GABBR2: variants seen among roughly 807,000 people sequenced by gnomAD.
GABBR2 encodes the protein G-protein coupled receptor 51.
A neutral mutation model predicts 105.6 loss-of-function variants in GABBR2; 23 were observed. The observed-to-expected ratio is 0.22, with a 90% CI of 0.16 to 0.31. The LOEUF (loss-of-function observed/expected upper bound fraction) is 0.31. Among genes scored for constraint, GABBR2 ranks in the 10% least tolerant of loss-of-function variants. The pLI is 1.00. For missense variants in GABBR2, 734 were observed against 1,245.5 expected (o/e 0.59, Z 6.18); for synonymous variants, 478 against 499.7 (o/e 0.96, Z 0.58).
chr9:98,654,708 C>T (rs1195682477), intron 1 of GABBR2, among the ~76,000 whole-genome samples: 1 of 152,124 alleles, frequency 6.6e-6, no homozygotes, highest in African/African-American at 2.4e-5. Flanking sequence ...AGAACTACAT[C>T]ATGTGTATGA....
chr9:98,489,021 T>C (rs1052704522), intron 4 of GABBR2, among the ~76,000 whole-genome samples: 1 of 152,172 alleles, frequency 6.6e-6, no homozygotes, highest in African/African-American at 2.4e-5. Flanking sequence ...ATAGTAAATA[T>C]TTTTGGTCTC....
chr9:98,574,429 T>C (rs1194424896), intron 2 of GABBR2, among the ~76,000 whole-genome samples: 1 of 152,164 alleles, frequency 6.6e-6, no homozygotes, highest in East Asian at 1.9e-4. Flanking sequence ...GACCTCCACA[T>C]GGAGAGGAGC....
intron 13 of GABBR2, among the ~76,000 whole-genome samples, chr9:98,328,440 C>A (rs1830963464): frequency 6.6e-6 from 1 of 152,152 alleles, no homozygotes. Flanking sequence ...CTCAAAGAAT[C>A]CCTTTTAGAA....
intron 1 of GABBR2, among the ~76,000 whole-genome samples, chr9:98,595,971 T>C (rs2131800006): frequency 6.6e-6 from 1 of 152,290 alleles, no homozygotes; most frequent in East Asian, 1.9e-4. Context: ...CCTGGCCAAG[T>C]CCATGCATCT....
intron 1 of GABBR2, among the ~76,000 whole-genome samples, chr9:98,578,731 G>A (rs1828956642): frequency 6.6e-6 from 1 of 152,192 alleles, no homozygotes. Flanking sequence ...ACAGGTGAAT[G>A]GATAATGGAA....
At chr9:98,619,874 T>C (rs768432854) in intron 1 of GABBR2, among the ~76,000 whole-genome samples, 2 of 152,210 alleles carry the variant, frequency 1.3e-5, no homozygotes, top group African/African-American at 4.8e-5. Flanking sequence ...GGAGGGTTCA[T>C]CTGTGGTCTA....
intron 1 of GABBR2, among the ~76,000 whole-genome samples, chr9:98,626,666 G>A (rs546127738): frequency 8.5e-5 from 13 of 152,262 alleles, no homozygotes; most frequent in African/African-American, 2.9e-4. Context: ...TACTTGAAAA[G>A]GCTTGGCTCA....
chr9:98,588,828 A>T (rs994925822), intron 1 of GABBR2, among the ~76,000 whole-genome samples: 1 of 152,210 alleles, frequency 6.6e-6, no homozygotes, highest in East Asian at 1.9e-4. Flanking sequence ...GTTGGCCTGT[A>T]AAACCATTCC....
At chr9:98,521,683 C>T (rs1377454633) in intron 3 of GABBR2, among the ~76,000 whole-genome samples, 1 of 152,168 alleles carries the variant, frequency 6.6e-6, no homozygotes, top group Admixed American at 6.5e-5. Context: ...AATCCCTTGG[C>T]TGCTTGTCCC....
rs76575072 is a variant in GABBR2, at chr9:98,527,370, A to G, written c.630+14503T>C. ...ACCACTATGCAGTACCGCCTCAATG[A>G]AAAATGATGAAAATAAAGATGCCAT... On this transcript the variant is annotated intron_variant, in intron 3 of 18. Coordinates refer to ENST00000259455, the MANE Select transcript of GABBR2 (RefSeq NM_005458.8). Among the ~76,000 whole-genome samples the G allele has an allele frequency of 1.2e-4, 18 of 152,174 alleles. No homozygotes were observed. In the East Asian group the frequency reaches 3.5e-3, roughly 29 times the overall value.
chr9:98,585,546 A>G (rs1000199633), intron 1 of GABBR2, among the ~76,000 whole-genome samples: 1 of 151,372 alleles, frequency 6.6e-6, no homozygotes, highest in African/African-American at 2.4e-5. Flanking sequence ...ATGCTAAATG[A>G]TGAGTTAATG....
intron 13 of GABBR2, among the ~76,000 whole-genome samples, chr9:98,329,895 C>A (rs549847855): frequency 2.2e-4 from 34 of 152,186 alleles, no homozygotes; most frequent in African/African-American, 7.7e-4. Flanking sequence ...CACACACATG[C>A]ACACTTTCCC....
At chr9:98,332,874 G>A (rs1564020801) in intron 13 of GABBR2, among the ~76,000 whole-genome samples, 1 of 152,204 alleles carries the variant, frequency 6.6e-6, no homozygotes, top group Non-Finnish European at 1.5e-5. Context: ...AATCGTGGAA[G>A]AAAATGACTT....
At chr9:98,537,694 C>G (rs1042557975) in intron 3 of GABBR2, among the ~76,000 whole-genome samples, 7 of 151,914 alleles carry the variant, frequency 4.6e-5, no homozygotes, top group Non-Finnish European at 8.8e-5. Context: ...ACTTTGGCTT[C>G]CCAAAGTGAT....
intron 3 of GABBR2, among the ~76,000 whole-genome samples, chr9:98,515,422 C>T (rs1468751676): frequency 2.0e-5 from 3 of 152,212 alleles, no homozygotes; most frequent in Non-Finnish European, 4.4e-5. Context: ...TGGGAAATCA[C>T]TGCACTTTTT....
chr9:98,573,282 C>G (rs1250873571), intron 2 of GABBR2, among the ~76,000 whole-genome samples: 1 of 152,166 alleles, frequency 6.6e-6, no homozygotes, highest in Non-Finnish European at 1.5e-5. Flanking sequence ...TTTCACAACA[C>G]TTATTATTTT....
chr9:98,365,382 G>C (rs1191213327), intron 12 of GABBR2, among the ~76,000 whole-genome samples: 1 of 152,232 alleles, frequency 6.6e-6, no homozygotes, highest in Admixed American at 6.5e-5. Context: ...GTAAGACACA[G>C]TGACATCTAG....
intron 1 of GABBR2, among the ~76,000 whole-genome samples, chr9:98,697,708 G>T (rs1228294160): frequency 6.6e-6 from 1 of 152,184 alleles, no homozygotes; most frequent in Non-Finnish European, 1.5e-5. Flanking sequence ...AGCTCTCCAA[G>T]GGCTTCCCAA....
intron 1 of GABBR2, among the ~76,000 whole-genome samples, chr9:98,706,081 A>T (rs1321759279): frequency 7.7e-6 from 1 of 129,910 alleles, no homozygotes; most frequent in Non-Finnish European, 1.6e-5. Context: ...TATCTCAAAA[A>T]AACAAAAACA....
Sources: gnomAD v4.1 joint callset for allele counts (sites outside exome capture counted in the v4.1 genomes callset) on GRCh38, gnomAD v4.1.1 for gene constraint, MANE v1.5 for transcripts, NCBI Gene and HGNC (gene_info 2026-07-23, HGNC 2026-07-21) for gene names.